Variants in RAB3IP observed in about 807,000 individuals in gnomAD.
RAB3IP encodes RAB3A interacting protein.
In RAB3IP, 36 loss-of-function variants were observed where a neutral mutation model predicts 59.1. That is an observed-to-expected ratio of 0.61 (90% CI 0.47 to 0.80). The LOEUF is 0.80. Ranked by LOEUF, RAB3IP falls within the 30% of genes least tolerant of loss-of-function variation. The pLI is 0.00. For synonymous variants in RAB3IP, 207 were observed against 191.2 expected, an observed-to-expected ratio of 1.08 and a Z score of -0.68; for missense variants, 511 against 536.0, an observed-to-expected ratio of 0.95 and a Z score of 0.46.
At chr12:69,785,178 GA>G (rs1376598768) in intron 4 of RAB3IP, among the ~76,000 whole-genome samples, 1 of 152,198 alleles carries the variant, frequency 6.6e-6, no homozygotes, top group Non-Finnish European at 1.5e-5. Context: ...TACATGGGAT[GA>G]TTTGAGAAAT....
At chr12:69,801,773 A>G (rs749849607) in intron 8 of RAB3IP, 52 bp downstream of exon 8, 1 of 1,123,228 alleles carries the variant, frequency 8.9e-7, no homozygotes, top group Admixed American at 1.8e-5. Context: ...TTGAAATGTT[A>G]TGGGTTGCAG....
chr12:69,809,498 C>T (rs907707821), intron 8 of RAB3IP, among the ~76,000 whole-genome samples: 1 of 152,178 alleles, frequency 6.6e-6, no homozygotes, highest in African/African-American at 2.4e-5. Flanking sequence ...AGAGTGTTTT[C>T]CAACTTGGTT....
chr12:69,806,958 G>A (rs548931029), intron 8 of RAB3IP, among the ~76,000 whole-genome samples: 105 of 152,248 alleles, frequency 6.9e-4, no homozygotes, highest in Non-Finnish European at 1.3e-3. Flanking sequence ...GAACAAAATG[G>A]AGTCTCCTAT....
intron 3 of RAB3IP, among the ~76,000 whole-genome samples, chr12:69,766,647 A>T (rs889975456): frequency 6.6e-6 from 1 of 151,670 alleles, no homozygotes; most frequent in Non-Finnish European, 1.5e-5. Context: ...CAGTCTCCCG[A>T]AGTAGCTGGG....
intron 8 of RAB3IP, among the ~76,000 whole-genome samples, chr12:69,803,894 G>A (rs549149582): frequency 6.6e-5 from 10 of 152,196 alleles, no homozygotes; most frequent in Admixed American, 1.3e-4. Context: ...AATCCAGTCT[G>A]TCATTGTTGG....
chr12:69,802,778 C>T (rs572532323), intron 8 of RAB3IP, among the ~76,000 whole-genome samples: 4 of 152,294 alleles, frequency 2.6e-5, no homozygotes, highest in African/African-American at 4.8e-5. Context: ...CTGTTACGCA[C>T]GTTACGGTCT....
chr12:69,752,836 A>C (rs1172724337), intron 1 of RAB3IP, among the ~76,000 whole-genome samples: 2 of 152,214 alleles, frequency 1.3e-5, no homozygotes, highest in Non-Finnish European at 2.9e-5. Context: ...TACTTGCCTG[A>C]ACTATATTCA....
At chr12:69,753,057 GAATA>G (rs1412811125) in intron 1 of RAB3IP, among the ~76,000 whole-genome samples, 1 of 152,148 alleles carries the variant, frequency 6.6e-6, no homozygotes, top group East Asian at 1.9e-4. Context: ...TCATTTTGAA[GAATA>G]AATCATTTGC....
At position 69,761,782 on chromosome 12, in the gene RAB3IP, C is replaced by T. The variant is rs114180257; in HGVS notation, c.510+5119C>T. ...ATATTAGGGTGATGCTTATAAGTAA[C>T]CCCCAAATTTTCGTGACTTTACCTA... On this transcript the variant is annotated intron_variant, in intron 3 of 10. Transcript: ENST00000247833. Among the ~76,000 whole-genome samples, 493 of 152,168 alleles carry T rather than the reference C, an allele frequency of 3.2e-3. 5 individuals are homozygous for T. The highest frequency in any genetic ancestry group is 0.011 in the African/African-American group (442 of 41,504).
chr12:69,800,420 A>G, intron 7 of RAB3IP, 83 bp downstream of exon 7: 2 of 765,340 alleles, frequency 2.6e-6, no homozygotes, highest in Non-Finnish European at 3.8e-6. Context: ...ATATTTTAAT[A>G]TCTCTTACAT....
At position 69,756,545 on chromosome 12, in the gene RAB3IP, G is replaced by A; in HGVS notation, c.392G>A (p.Ser131Asn). Residue 131 changes from serine (S) to asparagine (N), a missense_variant, in exon 3 of 11, where the codon AGT becomes AAT. Coordinates refer to ENST00000247833, the MANE Select transcript of RAB3IP (RefSeq NM_022456.5). ...ACTATAACAGAGGCTTGCGATGGCA[G>A]TGATGATATTTTTGGGTTGAGTACT... ...GATITEACDG[S>N]DDIFGLSTDS... 4 of 1,614,164 alleles carry A rather than the reference G, an allele frequency of 2.5e-6. No individual in the cohort carries two copies. Among genetic ancestry groups the A allele is most frequent in the Non-Finnish European group, 2.5e-6 (3 of 1,180,022 alleles).
At position 69,784,035 on chromosome 12, in the gene RAB3IP, C is replaced by G. The variant is rs192423830; in HGVS notation, c.511-685C>G. Among the ~76,000 whole-genome samples the G allele has an allele frequency of 7.2e-5, 11 of 152,224 alleles. No homozygotes were observed. The East Asian group carries it at 1.9e-3, about 27-fold the overall frequency. Reference sequence around the variant, plus strand: ...ATGTAAGGAGCTTAGATTCTCCCCCCCTATGTTTGAAAGATTAGTTTAGGG... The same window carrying G: ...ATGTAAGGAGCTTAGATTCTCCCCCGCTATGTTTGAAAGATTAGTTTAGGG... On this transcript the variant is annotated intron_variant, in intron 3 of 10. Transcript: ENST00000247833.
chr12:69,743,902 G>A (rs1887590755), intron 1 of RAB3IP, among the ~76,000 whole-genome samples: 1 of 149,518 alleles, frequency 6.7e-6, no homozygotes, highest in South Asian at 2.1e-4. Flanking sequence ...TTCAGCACCT[G>A]TTGAATGTTT....
intron 4 of RAB3IP, among the ~76,000 whole-genome samples, chr12:69,792,762 A>G (rs1286171877): frequency 6.6e-6 from 1 of 152,160 alleles, no homozygotes; most frequent in Non-Finnish European, 1.5e-5. Flanking sequence ...TCTGTAGTGG[A>G]AAAGTCACCT....
At chr12:69,806,510 T>C (rs1031799585) in intron 8 of RAB3IP, among the ~76,000 whole-genome samples, 4 of 151,834 alleles carry the variant, frequency 2.6e-5, no homozygotes, top group African/African-American at 7.2e-5. Context: ...AGTTCTGCTC[T>C]GATCTTAGTT....
chr12:69,784,330 G>A lies in RAB3IP; in HGVS notation c.511-390G>A, dbSNP rs116647943. Among the ~76,000 whole-genome samples, 1,154 of 151,722 alleles carry A rather than the reference G, an allele frequency of 7.6e-3. 11 individuals are homozygous for A. The highest frequency in any genetic ancestry group is 0.027 in the African/African-American group (1,105 of 41,408). ...CTTTTAAAGTAAACATAAAAAAAGTGTATTTTTATTGAAATATGCATAATT... is the reference window on the plus strand; with the variant it reads ...CTTTTAAAGTAAACATAAAAAAAGTATATTTTTATTGAAATATGCATAATT... On this transcript the variant is annotated intron_variant, in intron 3 of 10. Coordinates refer to ENST00000247833, the MANE Select transcript of RAB3IP (RefSeq NM_022456.5).
intron 4 of RAB3IP, 82 bp from the exon 5 acceptor site, chr12:69,794,355 C>G: frequency 8.8e-7 from 1 of 1,130,174 alleles, no homozygotes; most frequent in Non-Finnish European, 1.3e-6. Context: ...TATATCTTTG[C>G]TTCAATTGTA....
rs1870042123 is a variant in RAB3IP, at chr12:69,755,451, G to C, written c.43G>C (p.Ala15Pro). 6.2e-7 allele frequency: 1 copy of C among 1,613,834 alleles called. No homozygotes were observed. The highest frequency in any genetic ancestry group is 8.5e-7 in the Non-Finnish European group (1 of 1,179,912). ...GGAAGGCTTCCATGAAGTAAACCTT[G>C]CTTCACCTACTTCTCCGGACCTTCT... ...PLEGFHEVNLASPTSPDLLGV... is the reference protein window; with the variant it reads ...PLEGFHEVNLPSPTSPDLLGV... The change falls in exon 2 of 11, where the codon GCT (alanine) becomes CCT (proline). Residue 15 changes from alanine to proline, a missense_variant. Physicochemically the swap from Ala to Pro is conservative, Grantham distance 27. Transcript: ENST00000247833.
At position 69,817,508 on chromosome 12, in the gene RAB3IP, A is replaced by C. The variant is rs1881254045; in HGVS notation, c.*2062A>C. The C allele has an allele frequency of 6.6e-6, 1 of 152,022 alleles. No individual in the cohort carries two copies. Among genetic ancestry groups the C allele is most frequent in the Non-Finnish European group, 1.5e-5 (1 of 68,006 alleles). 9.4% of individuals were successfully genotyped at this position (152,022 alleles called of 1,614,324 possible). A position where few individuals can be genotyped will look rare whatever the true frequency, so the allele number is the denominator to read the frequency against. On this transcript the variant is annotated 3_prime_UTR_variant, in exon 11 of 11. Coordinates refer to ENST00000247833, the MANE Select transcript of RAB3IP (RefSeq NM_022456.5). ...AAGTTATGGTATATTATAAATTCTTAATTTAGAAATCGTGCATCAGTAGTT... is the reference window on the plus strand; with the variant it reads ...AAGTTATGGTATATTATAAATTCTTCATTTAGAAATCGTGCATCAGTAGTT...
Sources: allele counts gnomAD v4.1 joint callset (sites outside exome capture counted in the v4.1 genomes callset), GRCh38; gene constraint gnomAD v4.1.1; transcripts MANE v1.5; gene names NCBI Gene and HGNC (gene_info 2026-07-23, HGNC 2026-07-21).